Variants in CSMD3 observed in about 807,000 individuals in gnomAD.
CSMD3 encodes CUB and Sushi multiple domains 3.
In CSMD3, 177 loss-of-function variants were observed where a neutral mutation model predicts 435.2. That is an observed-to-expected ratio of 0.41 (90% CI 0.36 to 0.46). The LOEUF is 0.46. CSMD3 is among the 20% of genes least tolerant of loss of function. The probability of loss-of-function intolerance (pLI) is 0.34; values close to 1 mark genes in which losing one functional copy is unlikely to be tolerated. For synonymous variants in CSMD3, 1,656 were observed against 1,520.5 expected (o/e 1.09, Z -2.07); for missense variants, 4,265 against 4,504.6 (o/e 0.95, Z 1.52).
intron 19 of CSMD3, among the ~76,000 whole-genome samples, chr8:112,647,602 G>A (rs917322146): frequency 6.6e-6 from 1 of 152,058 alleles, no homozygotes; most frequent in Non-Finnish European, 1.5e-5. Context: ...CACCGCACCA[G>A]GCCTTCAAAT....
chr8:113,007,384 C>A (rs1225213103), intron 6 of CSMD3, among the ~76,000 whole-genome samples: 1 of 151,790 alleles, frequency 6.6e-6, no homozygotes, highest in African/African-American at 2.4e-5. Context: ...GAAGCCTAAT[C>A]CAATATAATT....
intron 16 of CSMD3, among the ~76,000 whole-genome samples, chr8:112,681,045 T>C (rs2075880522): frequency 1.3e-5 from 2 of 151,036 alleles, no homozygotes; most frequent in Admixed American, 6.6e-5. Context: ...TTTTCTTTTT[T>C]TTTTTTTTAA....
chr8:113,157,854 T>G (rs2091962816), intron 4 of CSMD3, among the ~76,000 whole-genome samples: 1 of 152,036 alleles, frequency 6.6e-6, no homozygotes. Flanking sequence ...GAAATCAAAT[T>G]TATGCTATTT....
intron 2 of CSMD3, among the ~76,000 whole-genome samples, chr8:113,305,901 A>G (rs1186173853): frequency 6.6e-6 from 1 of 152,202 alleles, no homozygotes; most frequent in African/African-American, 2.4e-5. Context: ...TCTTTTGTAA[A>G]TTAAAGTATT....
chr8:112,599,799 C>T (rs1586775198), intron 22 of CSMD3, among the ~76,000 whole-genome samples: 1 of 142,542 alleles, frequency 7.0e-6, no homozygotes, highest in African/African-American at 2.6e-5. Context: ...TATTCTCACT[C>T]ATAGGTGGGA....
intron 48 of CSMD3, 36 bp from the exon 49 acceptor site, chr8:112,314,088 A>G: frequency 6.8e-7 from 1 of 1,478,930 alleles, no homozygotes; most frequent in Non-Finnish European, 9.4e-7. Flanking sequence ...AGATAAAGCT[A>G]ATTATATTCT....
intron 40 of CSMD3, 143 bp downstream of exon 40, chr8:112,351,032 T>G (rs950000076): frequency 2.1e-6 from 1 of 473,522 alleles, no homozygotes; most frequent in South Asian, 4.5e-5. Context: ...TTCCATAAGA[T>G]CTGGTAAAAG....
chr8:112,533,703 G>C (rs1341700913), intron 27 of CSMD3, among the ~76,000 whole-genome samples: 1 of 152,018 alleles, frequency 6.6e-6, no homozygotes, highest in Admixed American at 6.6e-5. Context: ...ATCAGCAATA[G>C]ATAGATCATC....
intron 45 of CSMD3, among the ~76,000 whole-genome samples, chr8:112,320,624 T>C (rs1432842533): frequency 6.6e-6 from 1 of 151,420 alleles, no homozygotes. Context: ...TATCTCCGAA[T>C]GCTATCCCTC....
intron 2 of CSMD3, among the ~76,000 whole-genome samples, chr8:113,295,268 G>A (rs2093712224): frequency 6.6e-6 from 1 of 152,044 alleles, no homozygotes; most frequent in Non-Finnish European, 1.5e-5. Context: ...AGGTTAAGTG[G>A]TTTGCTCAAT....
At chr8:112,410,495 A>AATATATATATATATAT (rs4029455) in intron 32 of CSMD3, among the ~76,000 whole-genome samples, 4 of 122,728 alleles carry the variant, frequency 3.3e-5, no homozygotes, top group East Asian at 4.9e-4. Context: ...AAATACTCCA[A>AATATATATATATATAT]ATATATATAT....
At chr8:113,012,215 G>A (rs1481137814) in intron 6 of CSMD3, among the ~76,000 whole-genome samples, 4 of 151,628 alleles carry the variant, frequency 2.6e-5, no homozygotes, top group African/African-American at 9.7e-5. Context: ...ATGAAAGCAT[G>A]TTTTGAGATA....
At position 112,633,256 on chromosome 8, in the gene CSMD3, T is replaced by C. The variant is rs77356823; in HGVS notation, c.3715+3561A>G. Among the ~76,000 whole-genome samples, 48 of 152,168 alleles carry C rather than the reference T, an allele frequency of 3.2e-4. No individual in the cohort carries two copies. The East Asian group carries it at 8.7e-3, about 28-fold the overall frequency. ...AATAGAGGACAAGCATACGAAGTTCTCTGAAGCCATGTATCAACTATAATG... is the reference window on the plus strand; with the variant it reads ...AATAGAGGACAAGCATACGAAGTTCCCTGAAGCCATGTATCAACTATAATG... On this transcript the variant is annotated intron_variant, in intron 22 of 70. Coordinates refer to ENST00000297405, the MANE Select transcript of CSMD3 (RefSeq NM_198123.2).
In CSMD3 at chr8:112,822,398, T is replaced by C. The variant is rs551495413; in HGVS notation, c.1859+7288A>G. Among the ~76,000 whole-genome samples the C allele has an allele frequency of 2.0e-5, 3 of 152,280 alleles. No individual in the cohort carries two copies. The East Asian group carries it at 5.8e-4, about 29-fold the overall frequency. ...TTGTAAGTTGTATTCCTAAGTATTT[T>C]ATTCTCTTTGTAGCAATTGTAAACT... On this transcript the variant is annotated intron_variant, in intron 12 of 70. Transcript: ENST00000297405.
chr8:113,141,495 G>A (rs1248206472), intron 4 of CSMD3, among the ~76,000 whole-genome samples: 1 of 150,824 alleles, frequency 6.6e-6, no homozygotes, highest in Non-Finnish European at 1.5e-5. Context: ...ACTAACTGGA[G>A]CACATTCTAG....
At chr8:112,433,326 G>A (rs1203987193) in intron 32 of CSMD3, among the ~76,000 whole-genome samples, 1 of 151,768 alleles carries the variant, frequency 6.6e-6, no homozygotes, top group Non-Finnish European at 1.5e-5. Flanking sequence ...GGGAAGAGAT[G>A]TCTGGGGACA....
chr8:113,060,050 A>T (rs374199936), intron 5 of CSMD3, among the ~76,000 whole-genome samples: 1 of 146,366 alleles, frequency 6.8e-6, no homozygotes, highest in East Asian at 2.0e-4. Context: ...TGTGCAGGTT[A>T]GTTACATATG....
At chr8:112,804,073 A>G (rs908786475) in intron 12 of CSMD3, among the ~76,000 whole-genome samples, 1 of 152,206 alleles carries the variant, frequency 6.6e-6, no homozygotes, top group African/African-American at 2.4e-5. Flanking sequence ...TCTAAAAGTG[A>G]GCTGCGTGAA....
intron 24 of CSMD3, among the ~76,000 whole-genome samples, chr8:112,569,452 G>A (rs989358349): frequency 1.3e-5 from 2 of 152,098 alleles, no homozygotes; most frequent in African/African-American, 4.8e-5. Context: ...TGTCTACCAG[G>A]CCATTTACTA....
Sources: gnomAD v4.1 joint callset for allele counts (sites outside exome capture counted in the v4.1 genomes callset) on GRCh38, gnomAD v4.1.1 for gene constraint, MANE v1.5 for transcripts, NCBI Gene and HGNC (gene_info 2026-07-23, HGNC 2026-07-21) for gene names.